SLC2A11: variants seen among roughly 807,000 people sequenced by gnomAD.
SLC2A11 encodes the protein solute carrier family 2, facilitated glucose transporter member 11.
SLC2A11 carries 43 observed loss-of-function variants against 52.1 expected under a neutral mutation model. The ratio of observed to expected loss-of-function variants is 0.82; its 90% CI spans 0.65 to 1.06. The LOEUF (loss-of-function observed/expected upper bound fraction) is 1.06, where lower values mean the gene tolerates loss of function less well. Ranked by LOEUF, SLC2A11 falls within the 50% of genes least tolerant of loss-of-function variation. The pLI is 0.00. For synonymous variants in SLC2A11, 261 were observed against 277.6 expected (o/e 0.94, Z 0.59); for missense variants, 582 against 654.2 (o/e 0.89, Z 1.20).
At chr22:23,874,425 T>C (rs1050454119) in intron 3 of SLC2A11, among the ~76,000 whole-genome samples, 1 of 151,876 alleles carries the variant, frequency 6.6e-6, no homozygotes, top group Admixed American at 6.6e-5. Context: ...TAGCTGAAAT[T>C]ACAGGCGTGC....
At chr22:23,865,117 A>AC (rs1385901184) in intron 2 of SLC2A11, 5 of 146,502 alleles carry the variant, frequency 3.4e-5, no homozygotes, top group Non-Finnish European at 4.5e-5. Flanking sequence ...AAAAAAAAAA[A>AC]AAAAAACCAG....
intron 1 of SLC2A11, among the ~76,000 whole-genome samples, chr22:23,858,935 A>G (rs1166587852): frequency 6.6e-6 from 1 of 152,184 alleles, no homozygotes; most frequent in East Asian, 1.9e-4. Flanking sequence ...TATTGACCAT[A>G]ATAGGGAGGC....
chr22:23,878,312 C>T (rs924339593), intron 6 of SLC2A11, among the ~76,000 whole-genome samples: 1 of 150,228 alleles, frequency 6.7e-6, no homozygotes, highest in Admixed American at 6.7e-5. Flanking sequence ...GCTGGCTGCA[C>T]AGCTCTGCTG....
chr22:23,863,688 T>C (rs113001868), intron 2 of SLC2A11, among the ~76,000 whole-genome samples: 10,472 of 144,938 alleles, frequency 0.072, 393 homozygotes, highest in Middle Eastern at 0.14. Context: ...GCAATTTCGG[T>C]TCACTGCAAC....
At chr22:23,883,373 A>C (rs971247136) in intron 8 of SLC2A11, 2 of 316,118 alleles carry the variant, frequency 6.3e-6, no homozygotes, top group African/African-American at 4.4e-5. Context: ...GGCGAGGCTG[A>C]GGTGGGAGGA....
At chr22:23,878,137 C>T (rs545845248) in intron 6 of SLC2A11, among the ~76,000 whole-genome samples, 103 of 152,346 alleles carry the variant, frequency 6.8e-4, no homozygotes, top group African/African-American at 2.4e-3. Context: ...CGCACACACA[C>T]GGTGAAACAC....
chr22:23,880,937 A>G (rs2032776003), intron 6 of SLC2A11: 1 of 152,086 alleles, frequency 6.6e-6, no homozygotes, highest in Middle Eastern at 3.4e-3. Context: ...CACTGAGCCC[A>G]TTTTCTTTCT....
intron 6 of SLC2A11, chr22:23,881,163 G>T (rs76938714): frequency 1.3e-5 from 2 of 151,494 alleles, no homozygotes; most frequent in Non-Finnish European, 1.5e-5. Flanking sequence ...TTTAGCCTAA[G>T]CCTCTAAGTC....
chr22:23,868,106 G>A, intron 2 of SLC2A11: 2 of 310,008 alleles, frequency 6.5e-6, no homozygotes, highest in Non-Finnish European at 1.3e-5. Context: ...TGTCAGAATG[G>A]GATTACATTG....
intron 4 of SLC2A11, 99 bp from the exon 5 acceptor site, chr22:23,876,942 TG>T: frequency 6.3e-7 from 1 of 1,580,774 alleles, no homozygotes; most frequent in East Asian, 2.2e-5. Context: ...TCCAGTTGAG[TG>T]GCTGGACAGT....
At chr22:23,859,114 C>T (rs1435588896) in intron 1 of SLC2A11, among the ~76,000 whole-genome samples, 2 of 152,224 alleles carry the variant, frequency 1.3e-5, no homozygotes, top group Non-Finnish European at 2.9e-5. Context: ...GCTCAGCTGC[C>T]ATCAAGCACT....
rs369010639 is a variant in SLC2A11 at position 23,877,775 on chromosome 22, G to A, written c.600G>A (p.Val200=). The stretch of plus-strand genomic sequence containing the variant: ...CCCTGCTGCTGGCCAGCTGCCTGGT[G>A]CCCGGGGCGCTCCAGCTCGCCTCCC... ...AWPLLLASCL[V]PGALQLASLP... Residue 200 remains valine (V), a synonymous_variant, in exon 6 of 12, where the codon GTG becomes GTA. Coordinates refer to ENST00000316185, the MANE Select transcript of SLC2A11 (RefSeq NM_001024939.4). The A allele has an allele frequency of 7.1e-5, 114 of 1,607,568 alleles. No individual in the cohort carries two copies. The highest frequency in any genetic ancestry group is 9.2e-5 in the Non-Finnish European group (108 of 1,177,322).
In SLC2A11 at chr22:23,857,886, C is replaced by T; in HGVS notation, c.-114C>T. On this transcript the variant is annotated 5_prime_UTR_variant, in exon 1 of 12. Transcript: ENST00000316185. ...GCGTGCGCTAGCGCCTCTTTCACCA[C>T]TGGGCGCTGCGCGCTGCCCTTCCCT... 7 of 1,556,816 alleles carry T rather than the reference C, an allele frequency of 4.5e-6. No individual in the cohort carries two copies. Among genetic ancestry groups the T allele is most frequent in the South Asian group, 3.6e-5 (3 of 84,424 alleles).
intron 6 of SLC2A11, chr22:23,882,019 A>AAC (rs918058567): frequency 1.2e-5 from 2 of 166,434 alleles, no homozygotes; most frequent in Admixed American, 7.3e-5. Flanking sequence ...GAGAGAGAGA[A>AAC]ACACACACAC....
chr22:23,870,049 C>T (rs778294857), intron 3 of SLC2A11: 7 of 717,340 alleles, frequency 9.8e-6, no homozygotes, highest in South Asian at 7.4e-5. Context: ...TAAATTTCAA[C>T]CTGAATTTTG....
rs750950543 is a variant in SLC2A11 at position 23,877,016 on chromosome 22, C to T, written c.416-26C>T. Reference sequence around the variant, plus strand: ...AGTGGGGGTCCCAGCTGGTGGCTGACGTGCCTCTGCTGTGCACACGTCCAG... The same window carrying T: ...AGTGGGGGTCCCAGCTGGTGGCTGATGTGCCTCTGCTGTGCACACGTCCAG... On this transcript the variant is annotated intron_variant, in intron 4 of 11. Transcript: ENST00000316185. 61 of 1,613,504 alleles carry T rather than the reference C, an allele frequency of 3.8e-5. No individual in the cohort carries two copies. In the Admixed American group the frequency reaches 9.3e-4, roughly 25 times the overall value.
intron 4 of SLC2A11, among the ~76,000 whole-genome samples, chr22:23,875,518 G>A (rs2032589785): frequency 6.6e-6 from 1 of 152,178 alleles, no homozygotes; most frequent in Non-Finnish European, 1.5e-5. Context: ...CCATGTTTGA[G>A]TAACACTCTA....
At chr22:23,880,416 G>A (rs1307454318) in intron 6 of SLC2A11, 3 of 152,078 alleles carry the variant, frequency 2.0e-5, no homozygotes, top group Non-Finnish European at 4.4e-5. Context: ...TGTATTCGAG[G>A]TTTTTTCATG....
upstream of SLC2A11, chr22:23,857,637 C>G (rs1395348496): frequency 8.6e-7 from 1 of 1,157,988 alleles, no homozygotes; most frequent in Non-Finnish European, 1.2e-6. Context: ...CCAGCACCCC[C>G]AGCCCTTCTT....
Sources: allele counts gnomAD v4.1 joint callset (sites outside exome capture counted in the v4.1 genomes callset), GRCh38; gene constraint gnomAD v4.1.1; transcripts MANE v1.5; gene names NCBI Gene and HGNC (gene_info 2026-07-23, HGNC 2026-07-21).